The following TSHZ2 variants were observed in gnomAD, a reference collection of about 807,000 sequenced individuals.
TSHZ2 encodes teashirt zinc finger homeobox 2, also known as teashirt homolog 2.
Under a neutral mutation model 74.4 loss-of-function variants are expected in TSHZ2, and 21 were observed. That is an observed-to-expected ratio of 0.28 (90% CI 0.20 to 0.41). The LOEUF is 0.41. Among genes scored for constraint, TSHZ2 ranks in the 10% least tolerant of loss-of-function variants. The pLI, the probability that TSHZ2 is intolerant of heterozygous loss-of-function variation, is 1.00. For missense variants in TSHZ2, 1,244 were observed against 1,293.5 expected (o/e 0.96, Z 0.59); for synonymous variants, 540 against 515.3 (o/e 1.05, Z -0.65).
intron 1 of TSHZ2, among the ~76,000 whole-genome samples, chr20:53,124,864 A>T (rs1986904987): frequency 6.6e-6 from 1 of 152,222 alleles, no homozygotes; most frequent in African/African-American, 2.4e-5. Flanking sequence ...TTAGGAGGTT[A>T]GCAAACTTTT....
At chr20:53,337,020 A>G (rs528897053) in intron 2 of TSHZ2, among the ~76,000 whole-genome samples, 8 of 152,314 alleles carry the variant, frequency 5.3e-5, no homozygotes, top group South Asian at 2.1e-4. Flanking sequence ...GTGTGTATAC[A>G]TATATACAGA....
At chr20:52,998,586 G>T (rs1211479904) in intron 1 of TSHZ2, among the ~76,000 whole-genome samples, 1 of 152,108 alleles carries the variant, frequency 6.6e-6, no homozygotes, top group Admixed American at 6.6e-5. Flanking sequence ...ATCCACCCTC[G>T]CCAGTACAGG....
At chr20:53,008,217 G>A (rs1982716728) in intron 1 of TSHZ2, among the ~76,000 whole-genome samples, 1 of 152,208 alleles carries the variant, frequency 6.6e-6, no homozygotes, top group South Asian at 2.1e-4. Flanking sequence ...AGAAACACTG[G>A]ATGGAAAGAG....
chr20:53,048,309 GGAGAGA>G lies in TSHZ2; in HGVS notation c.40+74990_40+74995del, dbSNP rs546698940. Among the ~76,000 whole-genome samples the G allele has an allele frequency of 2.8e-3, 418 of 149,852 alleles. 2 individuals are homozygous for G. The highest frequency in any genetic ancestry group is 0.013 in the South Asian group (63 of 4,688). On this transcript the variant is annotated intron_variant, in intron 1 of 2. Coordinates refer to ENST00000371497, the MANE Select transcript of TSHZ2 (RefSeq NM_173485.6). Reference sequence around the variant, plus strand: ...TACTTACATTTTTAAAAGAAGGGGAGGAGAGAGAGAGAGAGAGAGCAAAATAATAAC... The same window carrying G: ...TACTTACATTTTTAAAAGAAGGGGAGGAGAGAGAGAGAGCAAAATAATAAC...
At chr20:53,182,589 C>T (rs1299364760) in intron 1 of TSHZ2, among the ~76,000 whole-genome samples, 3 of 152,154 alleles carry the variant, frequency 2.0e-5, no homozygotes, top group African/African-American at 7.2e-5. Context: ...TATTTAACAC[C>T]TGCTAATGAT....
intron 1 of TSHZ2, among the ~76,000 whole-genome samples, chr20:53,112,627 C>T (rs1051593445): frequency 1.3e-5 from 2 of 152,136 alleles, no homozygotes; most frequent in Non-Finnish European, 2.9e-5. Flanking sequence ...CTCCTGGGCT[C>T]AAGCAATCCT....
At chr20:53,421,974 C>A (rs1983491654) in intron 2 of TSHZ2, among the ~76,000 whole-genome samples, 1 of 152,082 alleles carries the variant, frequency 6.6e-6, no homozygotes, top group African/African-American at 2.4e-5. Flanking sequence ...AGCCACCGCA[C>A]CCGGCCTATC....
At chr20:53,385,153 A>G (rs937154643) in intron 2 of TSHZ2, among the ~76,000 whole-genome samples, 1 of 152,134 alleles carries the variant, frequency 6.6e-6, no homozygotes, top group Non-Finnish European at 1.5e-5. Context: ...AAAATCAAAA[A>G]TAAAACATAA....
intron 2 of TSHZ2, among the ~76,000 whole-genome samples, chr20:53,305,991 A>AT (rs1978527274): frequency 6.6e-6 from 1 of 151,384 alleles, no homozygotes; most frequent in Admixed American, 6.6e-5. Context: ...AAAAAAAAAA[A>AT]TACGTTTGGC....
intron 2 of TSHZ2, among the ~76,000 whole-genome samples, chr20:53,291,069 T>A (rs1383382400): frequency 6.6e-5 from 10 of 152,114 alleles, no homozygotes; most frequent in African/African-American, 2.4e-4. Flanking sequence ...GATGTGAGCG[T>A]AGGGGAGAAA....
intron 2 of TSHZ2, among the ~76,000 whole-genome samples, chr20:53,367,031 T>A (rs759756609): frequency 6.6e-6 from 1 of 152,162 alleles, no homozygotes; most frequent in South Asian, 2.1e-4. Context: ...TAGCTGATAC[T>A]CTTAACTAGC....
intron 1 of TSHZ2, among the ~76,000 whole-genome samples, chr20:53,195,157 A>T (rs1600734494): frequency 6.6e-6 from 1 of 152,290 alleles, no homozygotes; most frequent in South Asian, 2.1e-4. Flanking sequence ...GCTTTGAGAC[A>T]TGGCACACCT....
intron 2 of TSHZ2, among the ~76,000 whole-genome samples, chr20:53,337,909 T>C (rs1374824983): frequency 6.6e-6 from 1 of 152,260 alleles, no homozygotes; most frequent in Non-Finnish European, 1.5e-5. Context: ...TGCTTAGTCA[T>C]GAATCACTGA....
At chr20:53,174,441 A>G (rs1467554867) in intron 1 of TSHZ2, among the ~76,000 whole-genome samples, 2 of 152,234 alleles carry the variant, frequency 1.3e-5, no homozygotes, top group Non-Finnish European at 2.9e-5. Context: ...GCCATGTCGA[A>G]TAAGTTCCAG....
rs988830674 is a variant in TSHZ2, at chr20:53,341,869, C to T, written c.*8+85298C>T. 2.0e-5 allele frequency among the ~76,000 whole-genome samples: 3 copies of T among 152,182 alleles called. No homozygotes were observed. In the South Asian group the frequency reaches 6.2e-4, roughly 32 times the overall value. ...GGGATTACAGGCGTGTGCCACCACA[C>T]CCAGCTAATTTTTGTATTTTTAGTA... is the stretch of plus-strand genomic sequence containing the variant. On this transcript the variant is annotated intron_variant, in intron 2 of 2. Transcript: ENST00000371497.
At chr20:53,064,947 T>C (rs978478998) in intron 1 of TSHZ2, among the ~76,000 whole-genome samples, 5 of 152,220 alleles carry the variant, frequency 3.3e-5, no homozygotes, top group African/African-American at 1.2e-4. Context: ...CTCTCTGACT[T>C]TAATACATGT....
intron 1 of TSHZ2, among the ~76,000 whole-genome samples, chr20:53,024,796 T>C (rs1983377097): frequency 6.6e-6 from 1 of 152,172 alleles, no homozygotes; most frequent in Admixed American, 6.5e-5. Context: ...GGTTTCCAGC[T>C]TCATCCATGT....
intron 1 of TSHZ2, among the ~76,000 whole-genome samples, chr20:53,181,576 C>T (rs1014931553): frequency 1.3e-5 from 2 of 152,088 alleles, no homozygotes; most frequent in South Asian, 2.1e-4. Context: ...AGTAGGGGGT[C>T]GTTGCTTTTA....
intron 1 of TSHZ2, among the ~76,000 whole-genome samples, chr20:53,020,835 A>T (rs1039712109): frequency 6.6e-6 from 1 of 152,228 alleles, no homozygotes; most frequent in African/African-American, 2.4e-5. Context: ...AAATCTCCAC[A>T]GTCTTCCAAT....
Sources: gnomAD v4.1 joint callset for allele counts (sites outside exome capture counted in the v4.1 genomes callset) on GRCh38, gnomAD v4.1.1 for gene constraint, MANE v1.5 for transcripts, NCBI Gene and HGNC (gene_info 2026-07-23, HGNC 2026-07-21) for gene names.